Variants in PDCD1LG2 observed in about 807,000 individuals in gnomAD.
The protein encoded by PDCD1LG2 is B7 dendritic cell molecule.
Under a neutral mutation model 28.2 loss-of-function variants are expected in PDCD1LG2, and 32 were observed. The observed-to-expected ratio is 1.13, with a 90% CI of 0.86 to 1.52. The LOEUF (loss-of-function observed/expected upper bound fraction) is 1.52, where lower values mean the gene tolerates loss of function less well. PDCD1LG2 is among the 40% of genes most tolerant of loss of function. PDCD1LG2 has a pLI of 0.00. For synonymous variants in PDCD1LG2, 116 were observed against 120.2 expected, an observed-to-expected ratio of 0.97 and a Z score of 0.23; for missense variants, 385 against 323.8, an observed-to-expected ratio of 1.19 and a Z score of -1.45.
intron 4 of PDCD1LG2, among the ~76,000 whole-genome samples, chr9:5,557,180 AAG>A (rs1432402393): frequency 6.6e-6 from 1 of 152,046 alleles, no homozygotes; most frequent in African/African-American, 2.4e-5. Context: ...TGCCACTGGG[AAG>A]AGAGAGAGGA....
chr9:5,527,623 A>G (rs768516397), intron 2 of PDCD1LG2, among the ~76,000 whole-genome samples: 7 of 152,310 alleles, frequency 4.6e-5, no homozygotes, highest in South Asian at 4.1e-4. Flanking sequence ...ATATTTGCAT[A>G]TAGGTTTTTT....
At chr9:5,548,527 T>G (rs996097512) in intron 3 of PDCD1LG2, among the ~76,000 whole-genome samples, 1 of 152,254 alleles carries the variant, frequency 6.6e-6, no homozygotes, top group African/African-American at 2.4e-5. Context: ...GAAGTAGGAC[T>G]GCTGGATCAT....
chr9:5,540,922 A>G (rs1820675411), intron 3 of PDCD1LG2, among the ~76,000 whole-genome samples: 1 of 152,142 alleles, frequency 6.6e-6, no homozygotes, highest in African/African-American at 2.4e-5. Flanking sequence ...AAAGAAAACT[A>G]CAGGCCAGTA....
In PDCD1LG2 at chr9:5,557,558, C is replaced by G. The variant is rs2129919624; in HGVS notation, c.632-60C>G. ...GGCTGTCACCCACTCATGTGGCCAG[C>G]CTGTTGGTCTACCTCTTAGTTGCCA... On this transcript the variant is annotated intron_variant, in intron 4 of 6. Coordinates refer to ENST00000397747, the MANE Select transcript of PDCD1LG2 (RefSeq NM_025239.4). 4 of 1,589,160 alleles carry G rather than the reference C, an allele frequency of 2.5e-6. No individual in the cohort carries two copies. In the Admixed American group the frequency reaches 6.7e-5, roughly 27 times the overall value.
At chr9:5,547,154 A>C (rs1462216287) in intron 3 of PDCD1LG2, among the ~76,000 whole-genome samples, 1 of 152,218 alleles carries the variant, frequency 6.6e-6, no homozygotes, top group Non-Finnish European at 1.5e-5. Flanking sequence ...AATCATACAC[A>C]TCAGATGGTT....
In PDCD1LG2 at chr9:5,569,094, A is replaced by G. The variant is rs909613322; in HGVS notation, c.817-860A>G. 2.0e-5 allele frequency among the ~76,000 whole-genome samples: 3 copies of G among 152,226 alleles called. No homozygotes were observed. The South Asian group carries it at 6.2e-4, about 32-fold the overall frequency. On this transcript the variant is annotated intron_variant, in intron 6 of 6. Coordinates refer to ENST00000397747, the MANE Select transcript of PDCD1LG2 (RefSeq NM_025239.4). The surrounding 1 kb of genome is among the most constrained non-coding windows in gnomAD (Gnocchi z 4.1). ...AAGCCAGGTGTGAGATAAGGGGGAAAGACTGTTAGGGCATGTATTGTAAAC... is the reference window on the plus strand; with the variant it reads ...AAGCCAGGTGTGAGATAAGGGGGAAGGACTGTTAGGGCATGTATTGTAAAC...
chr9:5,557,561 G>A lies in PDCD1LG2; in HGVS notation c.632-57G>A, dbSNP rs142364293. 361 of 1,597,504 alleles carry A rather than the reference G, an allele frequency of 2.3e-4. 3 individuals are homozygous for A. In the African/African-American group the frequency reaches 4.3e-3, roughly 19 times the overall value. On this transcript the variant is annotated intron_variant, in intron 4 of 6. Coordinates refer to ENST00000397747, the MANE Select transcript of PDCD1LG2 (RefSeq NM_025239.4). ...TGTCACCCACTCATGTGGCCAGCCT[G>A]TTGGTCTACCTCTTAGTTGCCATGT...
intron 3 of PDCD1LG2, among the ~76,000 whole-genome samples, chr9:5,548,978 G>C (rs1487980645): frequency 6.6e-6 from 1 of 152,182 alleles, no homozygotes; most frequent in Admixed American, 6.5e-5. Flanking sequence ...GCCACAAATT[G>C]TGGTAGCTTG....
At chr9:5,565,600 C>A (rs771897077) in intron 6 of PDCD1LG2, among the ~76,000 whole-genome samples, 1 of 152,168 alleles carries the variant, frequency 6.6e-6, no homozygotes, top group Admixed American at 6.5e-5. Context: ...ATGATTACAG[C>A]GTTATTTTCT....
chr9:5,516,074 C>T (rs952699804), intron 1 of PDCD1LG2, among the ~76,000 whole-genome samples: 4 of 151,502 alleles, frequency 2.6e-5, no homozygotes, highest in Non-Finnish European at 4.4e-5. Flanking sequence ...TTTTTTGAGA[C>T]GGAGTCTCAC....
chr9:5,515,895 C>G (rs1467047078), intron 1 of PDCD1LG2, among the ~76,000 whole-genome samples: 2 of 116,018 alleles, frequency 1.7e-5, no homozygotes, highest in Non-Finnish European at 3.3e-5. Context: ...TGCACTCCAG[C>G]CTGGGTGAGA....
intron 4 of PDCD1LG2, among the ~76,000 whole-genome samples, chr9:5,552,117 T>C (rs1816347016): frequency 6.6e-6 from 1 of 152,206 alleles, no homozygotes; most frequent in African/African-American, 2.4e-5. Flanking sequence ...ACTGGGGTTG[T>C]TGCAAATATC....
intron 1 of PDCD1LG2, among the ~76,000 whole-genome samples, chr9:5,511,610 G>C (rs1820060225): frequency 6.6e-6 from 1 of 152,230 alleles, no homozygotes; most frequent in Non-Finnish European, 1.5e-5. Flanking sequence ...TATTCAGTGT[G>C]AGCAGTAATG....
intron 6 of PDCD1LG2, among the ~76,000 whole-genome samples, chr9:5,564,656 T>C (rs949580021): frequency 6.6e-6 from 1 of 152,214 alleles, no homozygotes; most frequent in Non-Finnish European, 1.5e-5. Context: ...TCATCTCTTG[T>C]CTCTATAGAT....
At chr9:5,516,389 G>A (rs1426740861) in intron 1 of PDCD1LG2, among the ~76,000 whole-genome samples, 1 of 152,172 alleles carries the variant, frequency 6.6e-6, no homozygotes, top group Admixed American at 6.5e-5. Flanking sequence ...GAGGAAGAGT[G>A]TGCTGATTGG....
chr9:5,539,809 G>C (rs901095287), intron 3 of PDCD1LG2, among the ~76,000 whole-genome samples: 1 of 152,184 alleles, frequency 6.6e-6, no homozygotes. Context: ...GATGGGAAGA[G>C]CCAACACCAG....
intron 1 of PDCD1LG2, among the ~76,000 whole-genome samples, chr9:5,514,289 A>C (rs1217153145): frequency 6.6e-6 from 1 of 152,226 alleles, no homozygotes; most frequent in Non-Finnish European, 1.5e-5. Context: ...TTTGAATAAA[A>C]GAAAGAGATA....
chr9:5,544,052 A>T (rs917870991), intron 3 of PDCD1LG2, among the ~76,000 whole-genome samples: 6 of 152,234 alleles, frequency 3.9e-5, no homozygotes, highest in African/African-American at 1.2e-4. Flanking sequence ...TACTGTCATT[A>T]TGACTATAAA....
At chr9:5,549,144 G>T (rs1299557895) in intron 3 of PDCD1LG2, among the ~76,000 whole-genome samples, 191 bp from the exon 4 acceptor site, 2 of 152,128 alleles carry the variant, frequency 1.3e-5, no homozygotes, top group African/African-American at 4.8e-5. Context: ...TTATTGCATT[G>T]TAAGAATTAA....
Sources: allele counts gnomAD v4.1 joint callset (sites outside exome capture counted in the v4.1 genomes callset), GRCh38; gene constraint gnomAD v4.1.1; non-coding constraint Gnocchi (gnomAD v3.1); transcripts MANE v1.5; gene names NCBI Gene and HGNC (gene_info 2026-07-23, HGNC 2026-07-21).